Variants in CACNA2D1 observed in about 807,000 individuals in gnomAD.
CACNA2D1 encodes calcium voltage-gated channel auxiliary subunit alpha2delta 1.
A neutral mutation model predicts 171.5 loss-of-function variants in CACNA2D1; 53 were observed. The ratio of observed to expected loss-of-function variants is 0.31; its 90% CI spans 0.25 to 0.39. The LOEUF is 0.39. Ranked by LOEUF, CACNA2D1 falls within the 10% of genes least tolerant of loss-of-function variation. The probability of loss-of-function intolerance (pLI) is 1.00; values close to 1 mark genes in which losing one functional copy is unlikely to be tolerated. For synonymous variants in CACNA2D1, 442 were observed against 443.1 expected (o/e 1.00, Z 0.03); for missense variants, 903 against 1,299.8 (o/e 0.69, Z 4.69).
At chr7:82,021,645 T>C (rs935796208) in intron 12 of CACNA2D1, among the ~76,000 whole-genome samples, 1 of 152,060 alleles carries the variant, frequency 6.6e-6, no homozygotes, top group Non-Finnish European at 1.5e-5. Flanking sequence ...TACAAATGTA[T>C]ACAACTACTT....
chr7:82,330,680 C>A (rs1206555869), intron 3 of CACNA2D1, among the ~76,000 whole-genome samples: 2 of 152,100 alleles, frequency 1.3e-5, no homozygotes, highest in Non-Finnish European at 2.9e-5. Flanking sequence ...ACAGGATTCA[C>A]TGAAAAATTA....
Position 82,134,694 on chromosome 7 carries a change from T to A in CACNA2D1, c.396+1941A>T, listed in dbSNP as rs907386132. ...ACAGTAGTAGTAGATACTATTTTTT[T>A]AGATGAGAAAATGGGAAAAACAAGA... On this transcript the variant is annotated intron_variant, in intron 5 of 38. Coordinates refer to ENST00000356860, the MANE Select transcript of CACNA2D1 (RefSeq NM_000722.4). Among the ~76,000 whole-genome samples, 53 of 152,182 alleles carry A rather than the reference T, an allele frequency of 3.5e-4. 1 individual carries two copies. Among genetic ancestry groups the A allele is most frequent in the Admixed American group, 1.8e-3 (28 of 15,276 alleles).
chr7:81,970,922 A>G (rs1562798517), intron 26 of CACNA2D1, 185 bp from the exon 27 acceptor site: 2 of 572,802 alleles, frequency 3.5e-6, no homozygotes, highest in Non-Finnish European at 3.1e-6. Flanking sequence ...TAAGGAAGAC[A>G]TCTCATAGGA....
intron 3 of CACNA2D1, among the ~76,000 whole-genome samples, chr7:82,184,794 C>A (rs2129175251): frequency 6.6e-6 from 1 of 152,186 alleles, no homozygotes; most frequent in African/African-American, 2.4e-5. Context: ...TATGAAATTT[C>A]TTTTACATAT....
intron 6 of CACNA2D1, among the ~76,000 whole-genome samples, chr7:82,091,505 C>G (rs554947478): frequency 4.6e-5 from 7 of 152,246 alleles, no homozygotes; most frequent in East Asian, 1.9e-4. Flanking sequence ...GAAATCTGCA[C>G]GCTGTGGAGC....
At position 82,403,976 on chromosome 7, in the gene CACNA2D1, A is replaced by G. The variant is rs150383320; in HGVS notation, c.95+39389T>C. 5.4e-4 allele frequency among the ~76,000 whole-genome samples: 82 copies of G among 152,348 alleles called. No homozygotes were observed. In the East Asian group the frequency reaches 0.014, roughly 27 times the overall value. On this transcript the variant is annotated intron_variant, in intron 1 of 38. Transcript: ENST00000356860. ...ATGACAAAGTAAATATTCAGGCTAT[A>G]TGAGAAACTATATTTAAAATGTAAG...
intron 3 of CACNA2D1, among the ~76,000 whole-genome samples, chr7:82,203,686 G>A (rs1039345139): frequency 4.6e-5 from 7 of 152,130 alleles, no homozygotes; most frequent in East Asian, 1.9e-4. Context: ...CTATAGCAGC[G>A]CATGGAGTGC....
At chr7:82,129,276 C>T (rs1790685204) in intron 5 of CACNA2D1, among the ~76,000 whole-genome samples, 2 of 152,162 alleles carry the variant, frequency 1.3e-5, no homozygotes, top group South Asian at 4.1e-4. Flanking sequence ...TGCAGGCCTT[C>T]CAAATCTACA....
chr7:82,386,078 T>C (rs888753448), intron 1 of CACNA2D1, among the ~76,000 whole-genome samples: 1 of 152,194 alleles, frequency 6.6e-6, no homozygotes, highest in African/African-American at 2.4e-5. Flanking sequence ...CAAAATATTT[T>C]TGGTTCTTGG....
chr7:82,278,988 C>T (rs975806803), intron 3 of CACNA2D1, among the ~76,000 whole-genome samples: 3 of 152,176 alleles, frequency 2.0e-5, no homozygotes, highest in African/African-American at 7.2e-5. Flanking sequence ...TCTCTTTCAG[C>T]TTCTGGCTCC....
At chr7:82,101,361 C>T (rs1459386884) in intron 6 of CACNA2D1, among the ~76,000 whole-genome samples, 1 of 152,064 alleles carries the variant, frequency 6.6e-6, no homozygotes, top group Non-Finnish European at 1.5e-5. Context: ...GGGGAGCACA[C>T]AGGTGATGAT....
intron 25 of CACNA2D1, among the ~76,000 whole-genome samples, chr7:81,973,578 A>AGGAG (rs1397307088): frequency 6.6e-6 from 1 of 151,924 alleles, no homozygotes; most frequent in Non-Finnish European, 1.5e-5. Flanking sequence ...GAGAAGGAAA[A>AGGAG]GGAGGGAGGG....
At chr7:82,255,963 G>A (rs555617307) in intron 3 of CACNA2D1, among the ~76,000 whole-genome samples, 1 of 152,254 alleles carries the variant, frequency 6.6e-6, no homozygotes, top group South Asian at 2.1e-4. Context: ...CACACTGAGT[G>A]ACAGAAGCCA....
chr7:82,325,082 C>T (rs909723117), intron 3 of CACNA2D1, among the ~76,000 whole-genome samples: 1 of 152,180 alleles, frequency 6.6e-6, no homozygotes, highest in Non-Finnish European at 1.5e-5. Flanking sequence ...TTCAAGGCAT[C>T]TCCACATGAT....
intron 1 of CACNA2D1, among the ~76,000 whole-genome samples, chr7:82,382,478 C>G (rs1424185048): frequency 6.6e-6 from 1 of 152,190 alleles, no homozygotes; most frequent in African/African-American, 2.4e-5. Flanking sequence ...TGCACCTGCT[C>G]TTTTCAAGTA....
intron 3 of CACNA2D1, among the ~76,000 whole-genome samples, chr7:82,270,787 G>A (rs532821484): frequency 3.9e-5 from 6 of 152,154 alleles, no homozygotes; most frequent in East Asian, 1.9e-4. Flanking sequence ...TTTCAAAGTC[G>A]TCATTACCAA....
At chr7:82,386,384 A>C (rs540115500) in intron 1 of CACNA2D1, among the ~76,000 whole-genome samples, 1 of 152,306 alleles carries the variant, frequency 6.6e-6, no homozygotes, top group African/African-American at 2.4e-5. Context: ...GGGAAAAATT[A>C]GTTTTTGTTT....
chr7:82,256,097 T>C (rs559731816), intron 3 of CACNA2D1, among the ~76,000 whole-genome samples: 39 of 152,136 alleles, frequency 2.6e-4, no homozygotes, highest in African/African-American at 8.2e-4. Flanking sequence ...GCCAACATGG[T>C]GAAACCCCAT....
chr7:82,138,213 C>T (rs1166975957), intron 4 of CACNA2D1, among the ~76,000 whole-genome samples: 5 of 151,954 alleles, frequency 3.3e-5, no homozygotes, highest in Non-Finnish European at 5.9e-5. Context: ...GACTGAAACT[C>T]TAAAATATAG....
Sources: gnomAD v4.1 joint callset for allele counts (sites outside exome capture counted in the v4.1 genomes callset) on GRCh38, gnomAD v4.1.1 for gene constraint, MANE v1.5 for transcripts, NCBI Gene and HGNC (gene_info 2026-07-23, HGNC 2026-07-21) for gene names.